Variants in BBX observed in about 807,000 individuals in gnomAD.
BBX encodes the protein BBX high mobility group box domain containing, also known as HMG box transcription factor BBX.
In BBX, 30 loss-of-function variants were observed where a neutral mutation model predicts 100.2. The ratio of observed to expected loss-of-function variants is 0.30; its 90% CI spans 0.22 to 0.41. BBX has a LOEUF of 0.41. Ranked by LOEUF, BBX falls within the 10% of genes least tolerant of loss-of-function variation. The pLI, the probability that BBX is intolerant of heterozygous loss-of-function variation, is 1.00. For synonymous variants in BBX, 376 were observed against 388.1 expected (o/e 0.97, Z 0.37); for missense variants, 1,023 against 1,129.8 (o/e 0.91, Z 1.35).
intron 2 of BBX, among the ~76,000 whole-genome samples, chr3:107,526,914 T>A (rs1450034927): frequency 6.6e-6 from 1 of 152,218 alleles, no homozygotes; most frequent in Non-Finnish European, 1.5e-5. Flanking sequence ...GTGGTAAATC[T>A]AGCGTTTAGT....
In BBX at chr3:107,801,145, A is replaced by T; in HGVS notation, c.2602A>T (p.Thr868Ser). The T allele has an allele frequency of 6.2e-7, 1 of 1,614,228 alleles. No individual in the cohort carries two copies. The highest frequency in any genetic ancestry group is 8.5e-7 in the Non-Finnish European group (1 of 1,180,026). Reference sequence around the variant, plus strand: ...GAGGAGTCTCCCTAAAGCAACTGAGACAGACTGCAATGACAAATGCTCACA... The same window carrying T: ...GAGGAGTCTCCCTAAAGCAACTGAGTCAGACTGCAATGACAAATGCTCACA... ...LQRSLPKATE[T>S]DCNDKCSHNT... The change falls in exon 17 of 18, where the codon ACA (threonine) becomes TCA (serine). Residue 868 changes from threonine to serine, a missense_variant. Physicochemically the swap from Thr to Ser is moderately conservative, Grantham distance 58 (BLOSUM62 1). Transcript: ENST00000325805.
chr3:107,597,376 G>A (rs1051451391), intron 2 of BBX, among the ~76,000 whole-genome samples: 1 of 152,112 alleles, frequency 6.6e-6, no homozygotes, highest in African/African-American at 2.4e-5. Flanking sequence ...TTAGAGTGAT[G>A]ATTAGAACAC....
chr3:107,544,570 A>G (rs1254225567), intron 2 of BBX, among the ~76,000 whole-genome samples: 2 of 152,134 alleles, frequency 1.3e-5, no homozygotes, highest in East Asian at 3.8e-4. Context: ...TTACTTTAAA[A>G]GTTATAAATA....
At chr3:107,578,456 A>G (rs1028039063) in intron 2 of BBX, among the ~76,000 whole-genome samples, 18 of 152,222 alleles carry the variant, frequency 1.2e-4, no homozygotes, top group African/African-American at 4.1e-4. Flanking sequence ...CAGTGGGTAA[A>G]GTTATTAGAA....
chr3:107,657,907 C>G (rs1365681689), intron 3 of BBX, among the ~76,000 whole-genome samples: 1 of 151,908 alleles, frequency 6.6e-6, no homozygotes, highest in African/African-American at 2.4e-5. Flanking sequence ...TAAGGGAAGT[C>G]TAAAGGAAAG....
chr3:107,638,102 C>T (rs1183689364), intron 2 of BBX, among the ~76,000 whole-genome samples: 2 of 152,154 alleles, frequency 1.3e-5, no homozygotes, highest in Non-Finnish European at 2.9e-5. Context: ...AAAATCTGTA[C>T]AGGCAGGTCT....
At chr3:107,723,542 T>G (rs1399016852) in intron 5 of BBX, among the ~76,000 whole-genome samples, 3 of 152,102 alleles carry the variant, frequency 2.0e-5, no homozygotes, top group African/African-American at 7.2e-5. Context: ...GTATATCTCC[T>G]AATGCTATCC....
rs755086915 is a variant in BBX at position 107,560,371 on chromosome 3, T to C, written c.-84+33973T>C. 7.0e-4 allele frequency among the ~76,000 whole-genome samples: 106 copies of C among 152,298 alleles called. 1 individual carries two copies. Among genetic ancestry groups the C allele is most frequent in the South Asian group, 1.2e-3 (6 of 4,826 alleles). On this transcript the variant is annotated intron_variant, in intron 2 of 17. Coordinates refer to ENST00000325805, the MANE Select transcript of BBX (RefSeq NM_001142568.3). Reference sequence around the variant, plus strand: ...AGTCTTTCTTGCTCTTACTATACTGTGGCTTAGATTTATAAATAAAAGAAA... The same window carrying C: ...AGTCTTTCTTGCTCTTACTATACTGCGGCTTAGATTTATAAATAAAAGAAA...
intron 4 of BBX, among the ~76,000 whole-genome samples, chr3:107,715,306 A>G (rs1002213477): frequency 5.9e-5 from 9 of 152,176 alleles, no homozygotes; most frequent in African/African-American, 1.9e-4. Context: ...AAACTCTGGG[A>G]ATGGGATTTA....
rs2071267942 is a variant in BBX, at chr3:107,811,133, A to G, written c.*5676A>G. 6.6e-6 allele frequency: 1 copy of G among 152,230 alleles called. No homozygotes were observed. The highest frequency in any genetic ancestry group is 2.1e-4 in the South Asian group (1 of 4,834). The allele number at this position is 152,230 out of a possible 1,614,324, so 9.4% of individuals were successfully genotyped here. The stretch of plus-strand genomic sequence containing the variant: ...TGCACATGTAAGTCATGTGTATAAC[A>G]TGCTAAAGTACTTTAACTGTGATCT... On this transcript the variant is annotated 3_prime_UTR_variant, in exon 18 of 18. Coordinates refer to ENST00000325805, the MANE Select transcript of BBX (RefSeq NM_001142568.3).
At chr3:107,709,706 T>C (rs1251607945) in intron 3 of BBX, among the ~76,000 whole-genome samples, 1 of 152,238 alleles carries the variant, frequency 6.6e-6, no homozygotes, top group Non-Finnish European at 1.5e-5. Flanking sequence ...CAGGACATGA[T>C]GGAGAGGGCA....
At chr3:107,586,983 T>C (rs967669549) in intron 2 of BBX, among the ~76,000 whole-genome samples, 1 of 152,150 alleles carries the variant, frequency 6.6e-6, no homozygotes, top group African/African-American at 2.4e-5. Context: ...ACTCCTGACC[T>C]CAGGTGATCC....
intron 2 of BBX, among the ~76,000 whole-genome samples, chr3:107,548,202 C>T (rs1345881584): frequency 6.6e-6 from 1 of 152,152 alleles, no homozygotes; most frequent in East Asian, 1.9e-4. Flanking sequence ...CTAGTTTCCT[C>T]ATCCATAAAC....
intron 2 of BBX, among the ~76,000 whole-genome samples, chr3:107,544,290 G>A (rs943219006): frequency 4.6e-5 from 7 of 152,130 alleles, no homozygotes; most frequent in Admixed American, 6.5e-5. Context: ...TTGGAAAATT[G>A]TCATAATAGA....
chr3:107,609,453 TAG>T (rs571032949), intron 2 of BBX, among the ~76,000 whole-genome samples: 1 of 152,070 alleles, frequency 6.6e-6, no homozygotes, highest in African/African-American at 2.4e-5. Context: ...ATAGTCTGAG[TAG>T]GATTAGTATT....
rs185662126 is a variant in BBX, at chr3:107,582,996, A to G, written c.-84+56598A>G. ...ATGACCTGTGTTTTAATACTTTTTT[A>G]TATTCTCTTTTTCATGTCATTAGAC... On this transcript the variant is annotated intron_variant, in intron 2 of 17. Coordinates refer to ENST00000325805, the MANE Select transcript of BBX (RefSeq NM_001142568.3). 5.3e-5 allele frequency among the ~76,000 whole-genome samples: 8 copies of G among 151,654 alleles called. No homozygotes were observed. In the East Asian group the frequency reaches 7.7e-4, roughly 15 times the overall value.
chr3:107,778,638 G>A lies in BBX; in HGVS notation c.2203+119G>A, dbSNP rs2067526590. 8.7e-6 allele frequency: 10 copies of A among 1,143,692 alleles called. No individual in the cohort carries two copies. The South Asian group carries it at 1.6e-4, about 18-fold the overall frequency. The allele number at this position is 1,143,692 out of a possible 1,614,324, so 70.8% of individuals were successfully genotyped here. A position where few individuals can be genotyped will look rare whatever the true frequency, so the allele number is the denominator to read the frequency against. ...TTGGAATTGAGGCAGTAGGGAGTTA[G>A]AATCTTAGGTTGCTTTCCAAGATTA... On this transcript the variant is annotated intron_variant, in intron 13 of 17. Transcript: ENST00000325805.
In BBX at chr3:107,596,967, C is replaced by T. The variant is rs143193188; in HGVS notation, c.-83-48869C>T. Reference sequence around the variant, plus strand: ...AGAATAGACGAAAAGTAAACCAGTACAGTGGCCTTTAAACTTTTTTACTCC... The same window carrying T: ...AGAATAGACGAAAAGTAAACCAGTATAGTGGCCTTTAAACTTTTTTACTCC... On this transcript the variant is annotated intron_variant, in intron 2 of 17. Transcript: ENST00000325805. Among the ~76,000 whole-genome samples the T allele has an allele frequency of 7.9e-5, 12 of 152,276 alleles. 1 individual carries two copies. The East Asian group carries it at 2.3e-3, about 29-fold the overall frequency.
At chr3:107,640,827 A>G (rs112155609) in intron 2 of BBX, among the ~76,000 whole-genome samples, 3 of 151,810 alleles carry the variant, frequency 2.0e-5, no homozygotes, top group African/African-American at 7.2e-5. Flanking sequence ...ATGCCCAACT[A>G]ATTTTTGTAT....
Sources: allele counts gnomAD v4.1 joint callset (sites outside exome capture counted in the v4.1 genomes callset), GRCh38; gene constraint gnomAD v4.1.1; transcripts MANE v1.5; gene names NCBI Gene and HGNC (gene_info 2026-07-23, HGNC 2026-07-21).